Variants in CLCN3 observed in about 807,000 individuals in gnomAD.
The protein encoded by CLCN3 is H(+)/Cl(-) exchange transporter 3.
In CLCN3, 16 loss-of-function variants were observed where a neutral mutation model predicts 83.4. The observed-to-expected ratio is 0.19, with a 90% CI of 0.13 to 0.29. The LOEUF (loss-of-function observed/expected upper bound fraction) is 0.29. CLCN3 is among the 10% of genes least tolerant of loss of function. The probability of loss-of-function intolerance (pLI) is 1.00; values close to 1 mark genes in which losing one functional copy is unlikely to be tolerated. For synonymous variants in CLCN3, 322 were observed against 346.2 expected (o/e 0.93, Z 0.78); for missense variants, 544 against 1,006.0 (o/e 0.54, Z 6.21).
rs1001724531 is a variant in CLCN3 at position 169,721,513 on chromosome 4, G to C, written c.*1516G>C. ...ATTACTTTGGAGAATAAAACCGAAAGTTCGTGTATACCTTCTTAAAAAAAA... is the reference window on the plus strand; with the variant it reads ...ATTACTTTGGAGAATAAAACCGAAACTTCGTGTATACCTTCTTAAAAAAAA... On this transcript the variant is annotated 3_prime_UTR_variant, in exon 13 of 13. Transcript: ENST00000513761. 1 of 151,116 alleles carries C rather than the reference G, an allele frequency of 6.6e-6. No homozygotes were observed. The highest frequency in any genetic ancestry group is 1.5e-5 in the Non-Finnish European group (1 of 68,008). 9.4% of individuals were successfully genotyped at this position (151,116 alleles called of 1,614,324 possible). A position where few individuals can be genotyped will look rare whatever the true frequency, so the allele number is the denominator to read the frequency against.
chr4:169,720,377 A>G lies in CLCN3; in HGVS notation c.*380A>G, dbSNP rs984081444. ...TGCTCCAACATTGCAAAGACACATT[A>G]TCAGTCCCTATTTCTAGAGGGATTA... On this transcript the variant is annotated 3_prime_UTR_variant, in exon 13 of 13. Coordinates refer to ENST00000513761, the MANE Select transcript of CLCN3 (RefSeq NM_001829.4). 2 of 230,254 alleles carry G rather than the reference A, an allele frequency of 8.7e-6. No individual in the cohort carries two copies. Among genetic ancestry groups the G allele is most frequent in the South Asian group, 1.3e-4 (1 of 7,604 alleles). 14.3% of individuals were successfully genotyped at this position (230,254 alleles called of 1,614,324 possible).
chr4:169,700,959 G>A (rs1328102933), intron 9 of CLCN3, among the ~76,000 whole-genome samples: 3 of 152,162 alleles, frequency 2.0e-5, no homozygotes, highest in Admixed American at 2.0e-4. Flanking sequence ...GTTGCTAGAG[G>A]TAGGACTGGC....
chr4:169,685,737 A>G (rs908679125), intron 3 of CLCN3, among the ~76,000 whole-genome samples: 2 of 152,222 alleles, frequency 1.3e-5, no homozygotes, highest in African/African-American at 2.4e-5. Context: ...AAGCAGTTAT[A>G]TAAAGAAAAC....
intron 2 of CLCN3, among the ~76,000 whole-genome samples, chr4:169,649,145 A>G (rs1730661832): frequency 6.6e-6 from 1 of 152,168 alleles, no homozygotes; most frequent in Admixed American, 6.5e-5. Flanking sequence ...AGAAGGAAGC[A>G]GGGCATTGGA....
intron 3 of CLCN3, among the ~76,000 whole-genome samples, chr4:169,686,132 A>G (rs1300246950): frequency 4.6e-5 from 7 of 152,044 alleles, no homozygotes; most frequent in Admixed American, 4.6e-4. Context: ...ATGAGAACAC[A>G]TGGACACAGG....
Position 169,690,593 on chromosome 4 carries a change from C to G in CLCN3, c.670C>G (p.Leu224Val), listed in dbSNP as rs752184994. The G allele has an allele frequency of 6.2e-7, 1 of 1,613,774 alleles. No individual in the cohort carries two copies. The highest frequency in any genetic ancestry group is 1.7e-5 in the Admixed American group (1 of 60,012). ...YIFWALSFAF[L>V]AVSLVKVFAP... ...CTTCTGGGCCTTGAGTTTTGCCTTT[C>G]TTGCAGTTTCCCTGGTAAAGGTATT... is the stretch of plus-strand genomic sequence containing the variant. Residue 224 changes from leucine to valine, a missense_variant, in exon 6 of 13, where the codon CTT becomes GTT. Leu to Val is a conservative substitution (Grantham distance 32). Transcript: ENST00000513761.
intron 6 of CLCN3, 99 bp from the exon 7 acceptor site, chr4:169,692,015 C>T: frequency 1.3e-6 from 1 of 794,872 alleles, no homozygotes; most frequent in Non-Finnish European, 2.0e-6. Context: ...CTAAAATTTG[C>T]AAGGTTGTTT....
intron 3 of CLCN3, among the ~76,000 whole-genome samples, chr4:169,685,827 A>G (rs1285088121): frequency 6.6e-6 from 1 of 152,150 alleles, no homozygotes; most frequent in Non-Finnish European, 1.5e-5. Context: ...AGCAACATGG[A>G]GTTTAGTGAT....
chr4:169,720,100 A>G lies in CLCN3; in HGVS notation c.*103A>G. ...GTCATCTACTTTTTTTTCCTCCTTT[A>G]CAAAAAAAGAAAGGAAATATAAAAG... On this transcript the variant is annotated 3_prime_UTR_variant, in exon 13 of 13. Transcript: ENST00000513761. 3 of 1,524,466 alleles carry G rather than the reference A, an allele frequency of 2.0e-6. No individual in the cohort carries two copies. The highest frequency in any genetic ancestry group is 2.6e-6 in the Non-Finnish European group (3 of 1,132,526). 94.4% of individuals were successfully genotyped at this position (1,524,466 alleles called of 1,614,324 possible).
chr4:169,632,715 TCAAAAAAAA>T (rs1773407118), intron 1 of CLCN3, among the ~76,000 whole-genome samples: 1 of 20,140 alleles, frequency 5.0e-5, no homozygotes, highest in Admixed American at 1.2e-3. Context: ...AGACTCCATC[TCAAAAAAAA>T]AAAAAAAAAA....
At chr4:169,691,060 G>A (rs1252044231) in intron 6 of CLCN3, among the ~76,000 whole-genome samples, 21 of 151,880 alleles carry the variant, frequency 1.4e-4, no homozygotes, top group African/African-American at 4.4e-4. Flanking sequence ...GTGCAGTGGC[G>A]CAATCTCAGC....
chr4:169,662,221 T>G (rs1196434479), intron 2 of CLCN3, among the ~76,000 whole-genome samples: 1 of 152,214 alleles, frequency 6.6e-6, no homozygotes, highest in African/African-American at 2.4e-5. Flanking sequence ...GAATCTTGCT[T>G]AGGATCTAAA....
intron 1 of CLCN3, among the ~76,000 whole-genome samples, chr4:169,622,597 G>T (rs1283902530): frequency 6.6e-6 from 1 of 152,076 alleles, no homozygotes; most frequent in Middle Eastern, 3.2e-3. Flanking sequence ...GTGTTTTCAG[G>T]CTCTTTTCCA....
intron 2 of CLCN3, among the ~76,000 whole-genome samples, chr4:169,678,740 G>T (rs1406331530): frequency 1.3e-5 from 2 of 152,294 alleles, no homozygotes; most frequent in South Asian, 2.1e-4. Flanking sequence ...TGGGGGTAAG[G>T]TTATGGATTA....
intron 2 of CLCN3, among the ~76,000 whole-genome samples, chr4:169,636,735 G>GTTGT (rs1553965336): frequency 0.5 from 59,926 of 119,252 alleles, 13,989 homozygotes; most frequent in Middle Eastern, 0.62. Context: ...TCATTATTTG[G>GTTGT]TTTTTTTTTT....
At chr4:169,705,702 A>T (rs1431760453) in intron 10 of CLCN3, among the ~76,000 whole-genome samples, 1 of 152,196 alleles carries the variant, frequency 6.6e-6, no homozygotes, top group African/African-American at 2.4e-5. Context: ...AGGTAAAAAA[A>T]CAAAAGGAAG....
chr4:169,686,179 C>T (rs765097398), intron 3 of CLCN3, among the ~76,000 whole-genome samples: 1 of 151,640 alleles, frequency 6.6e-6, no homozygotes, highest in African/African-American at 2.4e-5. Context: ...GTTGTGGGGT[C>T]GGGGAGTGGG....
chr4:169,672,907 T>C (rs6553450), intron 2 of CLCN3, among the ~76,000 whole-genome samples: 150,332 of 152,136 alleles, frequency 0.99, 74,297 homozygotes, highest in Middle Eastern at 1. Context: ...TTGTGATCCA[T>C]GTGCCTTAGC....
chr4:169,632,562 A>G (rs1773400946), intron 1 of CLCN3, among the ~76,000 whole-genome samples: 2 of 151,886 alleles, frequency 1.3e-5, no homozygotes. Flanking sequence ...CTAAAAACAC[A>G]AAAAATTAGC....
Sources: allele counts gnomAD v4.1 joint callset (sites outside exome capture counted in the v4.1 genomes callset), GRCh38; gene constraint gnomAD v4.1.1; transcripts MANE v1.5; gene names NCBI Gene and HGNC (gene_info 2026-07-23, HGNC 2026-07-21).